Variants in FAM135B observed in about 807,000 individuals in gnomAD.
FAM135B encodes protein FAM135B.
Under a neutral mutation model 127.7 loss-of-function variants are expected in FAM135B, and 43 were observed. The observed-to-expected ratio is 0.34, with a 90% confidence interval of 0.26 to 0.43. FAM135B has a LOEUF of 0.43. Among genes scored for constraint, FAM135B ranks in the 20% least tolerant of loss-of-function variants. The pLI is 1.00. For synonymous variants in FAM135B, 670 were observed against 665.1 expected (o/e 1.01, Z -0.11); for missense variants, 1,558 against 1,725.6 (o/e 0.90, Z 1.72).
chr8:138,430,687 G>A (rs543154927), intron 1 of FAM135B, among the ~76,000 whole-genome samples: 16 of 152,242 alleles, frequency 1.1e-4, no homozygotes, highest in African/African-American at 3.6e-4. Flanking sequence ...GTTCGAGGAC[G>A]GGGGTAAAAA....
chr8:138,305,762 T>C (rs1826196588), intron 3 of FAM135B, among the ~76,000 whole-genome samples: 3 of 152,194 alleles, frequency 2.0e-5, no homozygotes, highest in Admixed American at 6.5e-5. Context: ...TTGATCCAAA[T>C]GTCATATGCT....
intron 1 of FAM135B, among the ~76,000 whole-genome samples, chr8:138,486,823 G>A (rs899198520): frequency 4.6e-5 from 7 of 152,300 alleles, no homozygotes; most frequent in South Asian, 4.1e-4. Flanking sequence ...GACCTAAGGT[G>A]GAGTAAGCAG....
At chr8:138,363,479 C>T (rs1380607632) in intron 2 of FAM135B, among the ~76,000 whole-genome samples, 1 of 152,018 alleles carries the variant, frequency 6.6e-6, no homozygotes, top group Non-Finnish European at 1.5e-5. Context: ...ACTTCCCTGC[C>T]CCTGACTTTT....
At chr8:138,372,296 C>T (rs1160053302) in intron 1 of FAM135B, among the ~76,000 whole-genome samples, 1 of 152,204 alleles carries the variant, frequency 6.6e-6, no homozygotes, top group Non-Finnish European at 1.5e-5. Flanking sequence ...CAGCAACACC[C>T]ACAGCTTACA....
intron 12 of FAM135B, among the ~76,000 whole-genome samples, chr8:138,154,060 C>T (rs6997531): frequency 0.82 from 123,785 of 151,666 alleles, 50,886 homozygotes; most frequent in East Asian, 1. Context: ...TGACACCTCA[C>T]ACAGCTGGGT....
rs145243344 is a variant in FAM135B at position 138,209,258 on chromosome 8, T to C, written c.670-11589A>G. Among the ~76,000 whole-genome samples the C allele has an allele frequency of 1.9e-3, 290 of 152,022 alleles. 2 individuals carry two copies. In the East Asian group the frequency reaches 0.027, roughly 14 times the overall value. The stretch of plus-strand genomic sequence containing the variant: ...TCACAAACACATAATTGCAGCACAA[T>C]ATGGTAAGTATGATACCAGAGGAAA... On this transcript the variant is annotated intron_variant, in intron 7 of 19. Coordinates refer to ENST00000395297, the MANE Select transcript of FAM135B (RefSeq NM_015912.4).
chr8:138,151,876 T>C lies in FAM135B; in HGVS notation c.2599A>G (p.Thr867Ala), dbSNP rs777143164. 6.2e-7 allele frequency: 1 copy of C among 1,613,930 alleles called. No individual in the cohort carries two copies. The highest frequency in any genetic ancestry group is 2.2e-5 in the East Asian group (1 of 44,886). Residue 867 changes from threonine (T) to alanine (A), a missense_variant, in exon 13 of 20, where the codon ACT (threonine) becomes GCT (alanine). Transcript: ENST00000395297. Reference protein sequence around the residue: ...AQGHCLPDGRTENTPGVETKG... With the variant: ...AQGHCLPDGRAENTPGVETKG... Reference sequence around the variant, plus strand: ...GTTTCAACACCTGGAGTGTTCTCAGTCCTGCCATCAGGAAGACAGTGTCCT... The same window carrying C: ...GTTTCAACACCTGGAGTGTTCTCAGCCCTGCCATCAGGAAGACAGTGTCCT...
At chr8:138,206,409 C>T (rs1817613503) in intron 7 of FAM135B, among the ~76,000 whole-genome samples, 3 of 149,044 alleles carry the variant, frequency 2.0e-5, no homozygotes, top group Admixed American at 1.3e-4. Context: ...ACAGCTCTAT[C>T]GTCCCCTCCA....
At chr8:138,265,210 T>C (rs1014455169) in intron 4 of FAM135B, among the ~76,000 whole-genome samples, 12 of 152,288 alleles carry the variant, frequency 7.9e-5, no homozygotes, top group Admixed American at 3.3e-4. Context: ...TGAACCCAGC[T>C]TTGTCATCTC....
At chr8:138,150,565 T>G (rs4527928) in intron 13 of FAM135B, among the ~76,000 whole-genome samples, 105,334 of 151,896 alleles carry the variant, frequency 0.69, 36,557 homozygotes, top group East Asian at 0.76. Flanking sequence ...CTGCTTGGGA[T>G]GCTGAGGCAG....
chr8:138,235,176 GTCTC>G (rs901957307), intron 7 of FAM135B, among the ~76,000 whole-genome samples: 2 of 152,144 alleles, frequency 1.3e-5, no homozygotes, highest in African/African-American at 4.8e-5. Flanking sequence ...GAAGATGTAA[GTCTC>G]TATCTCCTCA....
At chr8:138,320,083 C>T (rs1249444464) in intron 2 of FAM135B, among the ~76,000 whole-genome samples, 5 of 152,190 alleles carry the variant, frequency 3.3e-5, no homozygotes, top group Non-Finnish European at 7.3e-5. Context: ...CGCAGTAATA[C>T]AATCCAGCAG....
chr8:138,325,413 C>T (rs1422887531), intron 2 of FAM135B, among the ~76,000 whole-genome samples: 1 of 152,106 alleles, frequency 6.6e-6, no homozygotes, highest in African/African-American at 2.4e-5. Flanking sequence ...TCTATCAGCA[C>T]CACTGCTCCA....
chr8:138,229,060 TGC>T (rs976452773), intron 7 of FAM135B, among the ~76,000 whole-genome samples: 3 of 134,388 alleles, frequency 2.2e-5, no homozygotes, highest in Admixed American at 7.5e-5. Flanking sequence ...TGTGTGTGTG[TGC>T]GTGTGTACAC....
At chr8:138,475,592 C>T (rs1186325501) in intron 1 of FAM135B, among the ~76,000 whole-genome samples, 1 of 152,188 alleles carries the variant, frequency 6.6e-6, no homozygotes, top group African/African-American at 2.4e-5. Context: ...CACGATCTGT[C>T]AATTCTAAAT....
intron 3 of FAM135B, among the ~76,000 whole-genome samples, chr8:138,301,005 C>T (rs1298368642): frequency 6.6e-6 from 1 of 152,072 alleles, no homozygotes; most frequent in African/African-American, 2.4e-5. Context: ...CCACCTCGGC[C>T]TCCCAAAGTG....
intron 7 of FAM135B, among the ~76,000 whole-genome samples, chr8:138,232,111 C>T (rs1045293496): frequency 6.6e-6 from 1 of 152,222 alleles, no homozygotes; most frequent in Non-Finnish European, 1.5e-5. Context: ...CCAAGATTAG[C>T]CCTACCAGGT....
chr8:138,162,930 A>T (rs577043646), intron 12 of FAM135B, among the ~76,000 whole-genome samples: 1 of 152,250 alleles, frequency 6.6e-6, no homozygotes, highest in African/African-American at 2.4e-5. Flanking sequence ...AAAAAATTTT[A>T]TCAGATTCAT....
chr8:138,279,360 G>C (rs2130730253), intron 3 of FAM135B, among the ~76,000 whole-genome samples: 1 of 152,296 alleles, frequency 6.6e-6, no homozygotes, highest in Non-Finnish European at 1.5e-5. Flanking sequence ...ATTCTAGTAA[G>C]GTGCTTGACA....
Sources: gnomAD v4.1 joint callset for allele counts (sites outside exome capture counted in the v4.1 genomes callset) on GRCh38, gnomAD v4.1.1 for gene constraint, MANE v1.5 for transcripts, NCBI Gene and HGNC (gene_info 2026-07-23, HGNC 2026-07-21) for gene names.